The following LRMDA variants were observed in gnomAD, a reference collection of about 807,000 sequenced individuals.
LRMDA encodes the protein leucine-rich melanocyte differentiation-associated protein.
Under a neutral mutation model 29.8 loss-of-function variants are expected in LRMDA, and 18 were observed. The observed-to-expected ratio is 0.60, with a 90% CI of 0.42 to 0.90. The LOEUF is 0.90. Among genes scored for constraint, LRMDA ranks in the 40% least tolerant of loss-of-function variants. LRMDA has a pLI of 0.00. For missense variants in LRMDA, 273 were observed against 273.9 expected, an observed-to-expected ratio of 1.00 and a Z score of 0.02; for synonymous variants, 125 against 109.4, an observed-to-expected ratio of 1.14 and a Z score of -0.89.
intron 2 of LRMDA, among the ~76,000 whole-genome samples, chr10:75,609,263 G>A (rs1411240660): frequency 6.6e-6 from 1 of 152,130 alleles, no homozygotes; most frequent in Non-Finnish European, 1.5e-5. Context: ...GCTTGGAAAT[G>A]GGCTTTGTAA....
chr10:76,361,552 A>C (rs143567951), intron 6 of LRMDA, among the ~76,000 whole-genome samples: 1 of 152,100 alleles, frequency 6.6e-6, no homozygotes, highest in Admixed American at 6.6e-5. Context: ...CTTATCTACC[A>C]TTACATGCCA....
intron 2 of LRMDA, among the ~76,000 whole-genome samples, chr10:75,686,507 A>G (rs751509485): frequency 6.6e-6 from 1 of 152,238 alleles, no homozygotes; most frequent in Non-Finnish European, 1.5e-5. Flanking sequence ...ATGGCACTGC[A>G]TCTGCTTTCT....
chr10:76,206,658 A>T (rs1310152407), intron 5 of LRMDA, among the ~76,000 whole-genome samples: 1 of 152,214 alleles, frequency 6.6e-6, no homozygotes, highest in Non-Finnish European at 1.5e-5. Context: ...GGCTGTGTTA[A>T]TCATAAATTT....
At chr10:76,039,027 CT>C (rs575341110) in intron 3 of LRMDA, among the ~76,000 whole-genome samples, 242 of 152,288 alleles carry the variant, frequency 1.6e-3, no homozygotes, top group African/African-American at 4.7e-3. Context: ...CTACCTGTCT[CT>C]TAACAGGCTA....
At chr10:76,119,904 T>C (rs1849749932) in intron 5 of LRMDA, among the ~76,000 whole-genome samples, 1 of 152,178 alleles carries the variant, frequency 6.6e-6, no homozygotes, top group Non-Finnish European at 1.5e-5. Context: ...TTCTTACCAA[T>C]GTGAAATGCC....
At chr10:75,731,056 A>G (rs1842690450) in intron 2 of LRMDA, among the ~76,000 whole-genome samples, 1 of 152,230 alleles carries the variant, frequency 6.6e-6, no homozygotes, top group South Asian at 2.1e-4. Flanking sequence ...CTGACTTGCT[A>G]TAAATCATGT....
intron 2 of LRMDA, among the ~76,000 whole-genome samples, chr10:75,493,348 GGTGTGTGTGT>G (rs3220724): frequency 1.7e-4 from 23 of 133,352 alleles, no homozygotes; most frequent in Non-Finnish European, 2.5e-4. Flanking sequence ...GTTGAGATTG[GGTGTGTGTGT>G]GTGTGTGTGT....
At chr10:75,681,635 A>C (rs1055937557) in intron 2 of LRMDA, among the ~76,000 whole-genome samples, 1 of 152,204 alleles carries the variant, frequency 6.6e-6, no homozygotes, top group Non-Finnish European at 1.5e-5. Flanking sequence ...AGCCACGCCA[A>C]ATAGCACAAG....
intron 6 of LRMDA, among the ~76,000 whole-genome samples, chr10:76,405,013 G>A (rs772595421): frequency 3.3e-5 from 5 of 152,070 alleles, no homozygotes; most frequent in Non-Finnish European, 5.9e-5. Context: ...TTTTTTCTGG[G>A]GCCTTCAGCA....
intron 2 of LRMDA, among the ~76,000 whole-genome samples, chr10:75,680,665 C>T (rs1384573736): frequency 4.0e-5 from 6 of 151,774 alleles, no homozygotes; most frequent in African/African-American, 7.3e-5. Context: ...TATACCTCCA[C>T]GAGGAAGGGG....
At chr10:75,575,137 G>A (rs544370216) in intron 2 of LRMDA, among the ~76,000 whole-genome samples, 54 of 152,278 alleles carry the variant, frequency 3.5e-4, no homozygotes, top group African/African-American at 1.3e-3. Flanking sequence ...GGGAGGTGAT[G>A]CTAAACTATT....
At chr10:75,964,392 T>G (rs181921516) in intron 2 of LRMDA, among the ~76,000 whole-genome samples, 23 of 152,360 alleles carry the variant, frequency 1.5e-4, no homozygotes, top group African/African-American at 5.3e-4. Flanking sequence ...AAACCTTTAT[T>G]TAATTTCTAC....
intron 2 of LRMDA, among the ~76,000 whole-genome samples, chr10:75,762,138 G>C (rs907763091): frequency 1.3e-5 from 2 of 152,142 alleles, no homozygotes; most frequent in Admixed American, 6.5e-5. Flanking sequence ...AGGATCTCAA[G>C]GTTTTATCTC....
At chr10:75,940,182 G>C (rs547932606) in intron 2 of LRMDA, among the ~76,000 whole-genome samples, 1 of 152,244 alleles carries the variant, frequency 6.6e-6, no homozygotes, top group Admixed American at 6.5e-5. Flanking sequence ...TAGCGATGGT[G>C]ATGGAATATA....
intron 2 of LRMDA, among the ~76,000 whole-genome samples, chr10:75,994,103 A>G (rs2132462274): frequency 6.6e-6 from 1 of 152,174 alleles, no homozygotes; most frequent in East Asian, 1.9e-4. Context: ...ATCTTTATTC[A>G]CCCTAAGTTA....
At chr10:76,128,927 G>C (rs1187150006) in intron 5 of LRMDA, among the ~76,000 whole-genome samples, 2 of 152,150 alleles carry the variant, frequency 1.3e-5, no homozygotes, top group African/African-American at 4.8e-5. Flanking sequence ...ACAATTGTGA[G>C]GGATACTCAG....
At chr10:76,300,274 T>G (rs908318492) in intron 5 of LRMDA, among the ~76,000 whole-genome samples, 6 of 152,200 alleles carry the variant, frequency 3.9e-5, no homozygotes, top group Non-Finnish European at 8.8e-5. Context: ...GAACTTTGTT[T>G]TATTTGAAAT....
chr10:75,879,297 G>T (rs1022623375), intron 2 of LRMDA, among the ~76,000 whole-genome samples: 1 of 152,208 alleles, frequency 6.6e-6, no homozygotes, highest in Non-Finnish European at 1.5e-5. Flanking sequence ...ATTGGCTGCT[G>T]CAGAATTTTG....
At chr10:76,053,321 G>A (rs117120511) in intron 4 of LRMDA, among the ~76,000 whole-genome samples, 2,388 of 152,158 alleles carry the variant, frequency 0.016, 50 homozygotes, top group Non-Finnish European at 0.019. Flanking sequence ...TAACCTTCCC[G>A]CATTGTTAAC....
Sources: gnomAD v4.1 joint callset for allele counts (sites outside exome capture counted in the v4.1 genomes callset) on GRCh38, gnomAD v4.1.1 for gene constraint, MANE v1.5 for transcripts, NCBI Gene and HGNC (gene_info 2026-07-23, HGNC 2026-07-21) for gene names.